Variants in MYCBP2 observed in about 807,000 individuals in gnomAD.
MYCBP2 encodes the protein E3 ubiquitin-protein ligase MYCBP2.
Under a neutral mutation model 525.3 loss-of-function variants are expected in MYCBP2, and 120 were observed. The observed-to-expected ratio is 0.23, with a 90% confidence interval of 0.20 to 0.27. MYCBP2 has a LOEUF of 0.27. Among genes scored for constraint, MYCBP2 ranks in the 10% least tolerant of loss-of-function variants. The pLI, the probability that MYCBP2 is intolerant of heterozygous loss-of-function variation, is 1.00. For missense variants in MYCBP2, 4,149 were observed against 5,657.1 expected, an observed-to-expected ratio of 0.73 and a Z score of 8.55; for synonymous variants, 1,894 against 1,955.8, an observed-to-expected ratio of 0.97 and a Z score of 0.83.
intron 4 of MYCBP2, among the ~76,000 whole-genome samples, chr13:77,274,437 G>C (rs1428046184): frequency 6.6e-6 from 1 of 152,058 alleles, no homozygotes; most frequent in African/African-American, 2.4e-5. Context: ...GATGGAGAGG[G>C]AAAAAGAGAG....
chr13:77,134,033 C>T (rs1031195328), intron 52 of MYCBP2, among the ~76,000 whole-genome samples: 15 of 151,902 alleles, frequency 9.9e-5, no homozygotes, highest in African/African-American at 3.4e-4. Flanking sequence ...AAGAATTCTA[C>T]GAATAAGAAC....
At chr13:77,255,236 G>C (rs1369836612) in intron 14 of MYCBP2, among the ~76,000 whole-genome samples, 1 of 151,878 alleles carries the variant, frequency 6.6e-6, no homozygotes, top group Non-Finnish European at 1.5e-5. Context: ...CACTAGCCAA[G>C]TATGAGCATT....
At chr13:77,315,607 T>G (rs1195310865) in intron 1 of MYCBP2, among the ~76,000 whole-genome samples, 7 of 152,130 alleles carry the variant, frequency 4.6e-5, no homozygotes, top group Non-Finnish European at 1.0e-4. Flanking sequence ...TTAAAAACTA[T>G]CAGCAAGCCG....
chr13:77,319,517 T>A (rs886146714), intron 1 of MYCBP2, among the ~76,000 whole-genome samples: 1 of 152,240 alleles, frequency 6.6e-6, no homozygotes, highest in Non-Finnish European at 1.5e-5. Context: ...TGTGTTTCTT[T>A]ACATGATGCT....
chr13:77,086,425 CATG>C (rs1302479827), intron 62 of MYCBP2, among the ~76,000 whole-genome samples: 1 of 152,018 alleles, frequency 6.6e-6, no homozygotes, highest in Non-Finnish European at 1.5e-5. Context: ...ATTTGTCCAC[CATG>C]ATTTGTATTT....
chr13:77,097,559 C>G lies in MYCBP2; in HGVS notation c.9595G>C (p.Glu3199Gln). 2 of 1,612,948 alleles carry G rather than the reference C, an allele frequency of 1.2e-6. No homozygotes were observed. Among genetic ancestry groups the G allele is most frequent in the Middle Eastern group, 1.7e-4 (1 of 6,060 alleles). Reference sequence around the variant, plus strand: ...TTTTTGGACTTCTTATTCTCTTTCTCACACTCTTTCTTTTTAAGAACTGCA... The same window carrying G: ...TTTTTGGACTTCTTATTCTCTTTCTGACACTCTTTCTTTTTAAGAACTGCA... ...SCAVLKKKEC[E>Q]KENKKSKKEK... Residue 3199 changes from glutamate to glutamine, a missense_variant, in exon 56 of 83, where the codon GAG (glutamate) becomes CAG (glutamine). By Grantham distance (29) the Glu-to-Gln change is conservative (BLOSUM62 2). This residue lies in a region of MYCBP2 where 653 missense variants were observed against 744.7 expected (regional missense o/e 0.88). Coordinates refer to ENST00000544440, the MANE Select transcript of MYCBP2 (RefSeq NM_015057.5).
chr13:77,157,140 C>T (rs1268281529), intron 45 of MYCBP2, among the ~76,000 whole-genome samples: 1 of 152,136 alleles, frequency 6.6e-6, no homozygotes, highest in Admixed American at 6.5e-5. Flanking sequence ...AAGCTGGTTG[C>T]AGTGGCACAA....
chr13:77,061,385 A>G (rs1381300553), intron 75 of MYCBP2, 84 bp from the exon 76 acceptor site: 1 of 1,208,340 alleles, frequency 8.3e-7, no homozygotes, highest in Non-Finnish European at 1.1e-6. Context: ...ATTCAATAAT[A>G]ATAATGGCTT....
At chr13:77,258,069 T>C (rs1438431374) in intron 13 of MYCBP2, among the ~76,000 whole-genome samples, 1 of 152,194 alleles carries the variant, frequency 6.6e-6, no homozygotes, top group Non-Finnish European at 1.5e-5. Context: ...TGTAGCTTTC[T>C]CTCAAGCTTA....
At chr13:77,237,443 G>A (rs1270773832) in intron 17 of MYCBP2, among the ~76,000 whole-genome samples, 2 of 151,766 alleles carry the variant, frequency 1.3e-5, no homozygotes, top group Non-Finnish European at 2.9e-5. Context: ...GAAGGTAGGG[G>A]TACAATACAA....
At chr13:77,065,090 A>G (rs1242649330) in intron 72 of MYCBP2, among the ~76,000 whole-genome samples, 1 of 152,256 alleles carries the variant, frequency 6.6e-6, no homozygotes, top group African/African-American at 2.4e-5. Flanking sequence ...TACACAGTGA[A>G]GCTAACTGCT....
In MYCBP2 at chr13:77,076,866, T is replaced by C. The variant is rs756051916; in HGVS notation, c.11725-17A>G. The C allele has an allele frequency of 6.4e-7, 1 of 1,561,208 alleles. No homozygotes were observed. Among genetic ancestry groups the C allele is most frequent in the East Asian group, 2.2e-5 (1 of 44,562 alleles). On this transcript the variant is annotated splice_polypyrimidine_tract_variant and intron_variant, in intron 67 of 82. Transcript: ENST00000544440. ...TCCAAATACCTGATGAAGATATGCA[T>C]GTGAGAAGGAATTAATGACAGGCAT...
chr13:77,111,635 AC>A (rs2048846930), intron 55 of MYCBP2, among the ~76,000 whole-genome samples: 2 of 150,580 alleles, frequency 1.3e-5, no homozygotes, highest in African/African-American at 4.9e-5. Flanking sequence ...TGTTGTCCAG[AC>A]TGGTCCTAAG....
Position 77,098,590 on chromosome 13 carries a change from G to A in MYCBP2, c.8564C>T (p.Thr2855Ile), listed in dbSNP as rs1333989025. The change falls in exon 56 of 83, where the codon ACT becomes ATT. Residue 2855 changes from threonine to isoleucine, a missense_variant. Around this residue, in one of 21 missense-constraint regions of MYCBP2, gnomAD observed 653 missense variants for 744.7 expected, o/e 0.88. Coordinates refer to ENST00000544440, the MANE Select transcript of MYCBP2 (RefSeq NM_015057.5). Reference protein sequence around the residue: ...PHDKNLPQKSTAPVKTKLDPP... With the variant: ...PHDKNLPQKSIAPVKTKLDPP... ...ATCAAGCTTTGTCTTAACAGGAGCA[G>A]TACTTTTTTGAGGTAGATTTTTATC... 4 of 1,613,648 alleles carry A rather than the reference G, an allele frequency of 2.5e-6. No homozygotes were observed. Among genetic ancestry groups the A allele is most frequent in the Non-Finnish European group, 3.4e-6 (4 of 1,179,812 alleles).
intron 30 of MYCBP2, among the ~76,000 whole-genome samples, chr13:77,187,900 CT>C (rs901168824): frequency 4.9e-4 from 75 of 151,596 alleles, no homozygotes; most frequent in African/African-American, 1.8e-3. Context: ...GTGAAACCCC[CT>C]CTCTACTAAA....
intron 44 of MYCBP2, among the ~76,000 whole-genome samples, chr13:77,158,702 C>T (rs1415568349): frequency 6.6e-6 from 1 of 152,098 alleles, no homozygotes; most frequent in Non-Finnish European, 1.5e-5. Context: ...CCCACCTTGC[C>T]CTATCAAAAT....
At chr13:77,190,381 G>T in intron 28 of MYCBP2, 46 bp from the exon 29 acceptor site, 1 of 1,092,504 alleles carries the variant, frequency 9.2e-7, no homozygotes, top group East Asian at 2.4e-5. Context: ...GATCATTACA[G>T]GAAATAAGAA....
chr13:77,095,747 T>C, intron 57 of MYCBP2, 145 bp from the exon 58 acceptor site: 1 of 1,019,294 alleles, frequency 9.8e-7, no homozygotes, highest in Non-Finnish European at 1.4e-6. Flanking sequence ...AAAACAACAT[T>C]CATTTCATAT....
chr13:77,160,541 C>T (rs2057783282), intron 44 of MYCBP2, among the ~76,000 whole-genome samples: 1 of 152,094 alleles, frequency 6.6e-6, no homozygotes, highest in South Asian at 2.1e-4. Flanking sequence ...CCTTTGTTTC[C>T]CTTCTGAGTC....
Sources: allele counts gnomAD v4.1 joint callset (sites outside exome capture counted in the v4.1 genomes callset), GRCh38; gene constraint gnomAD v4.1.1; regional missense constraint gnomAD v4.1.1; transcripts MANE v1.5; gene names NCBI Gene and HGNC (gene_info 2026-07-23, HGNC 2026-07-21).